The following NUF2 variants were observed in gnomAD, a reference collection of about 807,000 sequenced individuals.
NUF2 encodes the protein kinetochore protein Nuf2.
In NUF2, 34 loss-of-function variants were observed where a neutral mutation model predicts 61.8. That is an observed-to-expected ratio of 0.55 (90% CI 0.42 to 0.73). NUF2 has a LOEUF of 0.73. NUF2 is among the 30% of genes least tolerant of loss of function. NUF2 has a pLI of 0.00. For synonymous variants in NUF2, 172 were observed against 181.6 expected, an observed-to-expected ratio of 0.95 and a Z score of 0.42; for missense variants, 445 against 539.1, an observed-to-expected ratio of 0.83 and a Z score of 1.73.
intron 10 of NUF2, among the ~76,000 whole-genome samples, chr1:163,344,080 A>G (rs12747232): frequency 0.17 from 25,858 of 152,098 alleles, 2,291 homozygotes; most frequent in Non-Finnish European, 0.19. Context: ...CAATTATGCA[A>G]CAATTTTTCG....
At chr1:163,338,638 A>AT (rs1451077355) in intron 7 of NUF2, among the ~76,000 whole-genome samples, 3 of 152,030 alleles carry the variant, frequency 2.0e-5, no homozygotes, top group Non-Finnish European at 4.4e-5. Flanking sequence ...TAGATGAGAG[A>AT]TTTTCTAACC....
In NUF2 at chr1:163,348,925, C is replaced by T. The variant is rs1382059238; in HGVS notation, c.1125-20C>T. The T allele has an allele frequency of 1.6e-5, 25 of 1,598,880 alleles. No homozygotes were observed. Among genetic ancestry groups the T allele is most frequent in the East Asian group, 2.2e-5 (1 of 44,588 alleles). On this transcript the variant is annotated intron_variant, in intron 12 of 13. Transcript: ENST00000271452. Reference sequence around the variant, plus strand: ...GTTGCTGAAGAGGATTAAATATTAGCTGTCTCGATTTTCTTTCAGGGATTG... The same window carrying T: ...GTTGCTGAAGAGGATTAAATATTAGTTGTCTCGATTTTCTTTCAGGGATTG...
chr1:163,352,401 A>G (rs139145688), intron 13 of NUF2, among the ~76,000 whole-genome samples: 1 of 152,324 alleles, frequency 6.6e-6, no homozygotes, highest in African/African-American at 2.4e-5. Flanking sequence ...TATTATTCTC[A>G]ATACTACACT....
chr1:163,352,141 G>T (rs1252731125), intron 13 of NUF2, among the ~76,000 whole-genome samples: 1 of 151,780 alleles, frequency 6.6e-6, no homozygotes, highest in Admixed American at 6.6e-5. Context: ...TGAAATTTTG[G>T]ACTTGCTTTA....
At chr1:163,342,092 G>T (rs1650966397) in intron 9 of NUF2, among the ~76,000 whole-genome samples, 1 of 152,088 alleles carries the variant, frequency 6.6e-6, no homozygotes, top group African/African-American at 2.4e-5. Context: ...TGTGTACATA[G>T]AAAGGACGGT....
At chr1:163,350,443 C>CA (rs1240952021) in intron 13 of NUF2, among the ~76,000 whole-genome samples, 2 of 152,020 alleles carry the variant, frequency 1.3e-5, no homozygotes, top group African/African-American at 4.8e-5. Context: ...GTTACTAACT[C>CA]AAATTCGAGG....
Position 163,326,107 on chromosome 1 carries a change from G to C in NUF2, c.56G>C (p.Arg19Pro), listed in dbSNP as rs770685564. Residue 19 changes from arginine (R) to proline (P), a missense_variant, in exon 2 of 14, where the codon CGC becomes CCC. Physicochemically the swap from Arg to Pro is moderately radical, Grantham distance 103. Transcript: ENST00000271452. Reference sequence around the variant, plus strand: ...GTAGCTGAGATTGTGATTCATATTCGCAATAAGATCTTAACAGGAGCTGAT... The same window carrying C: ...GTAGCTGAGATTGTGATTCATATTCCCAATAAGATCTTAACAGGAGCTGAT... Reference protein sequence around the residue: ...YNVAEIVIHIRNKILTGADGK... With the variant: ...YNVAEIVIHIPNKILTGADGK... 1 of 1,610,938 alleles carries C rather than the reference G, an allele frequency of 6.2e-7. No homozygotes were observed. Among genetic ancestry groups the C allele is most frequent in the Non-Finnish European group, 8.5e-7 (1 of 1,177,548 alleles).
At chr1:163,338,418 A>G (rs1345351560) in intron 7 of NUF2, among the ~76,000 whole-genome samples, 2 of 151,986 alleles carry the variant, frequency 1.3e-5, no homozygotes, top group East Asian at 1.9e-4. Flanking sequence ...TGCCTGGACT[A>G]TCTTCCTTCA....
rs1278655430 is a variant in NUF2, at chr1:163,348,987, A to G, written c.1167A>G (p.Glu389=). Residue 389 remains glutamate (E), a synonymous_variant, in exon 13 of 14, where the codon GAA becomes GAG. Transcript: ENST00000271452. ...AAGAAAAAAGAGGTGCTGTCTATGA[A>G]CGAGTAACCACAATTAATCAAGAAA... ...KVQEKRGAVY[E]RVTTINQEIQ... is the part of the protein sequence containing the mutation. 6.2e-7 allele frequency: 1 copy of G among 1,610,846 alleles called. No homozygotes were observed. The highest frequency in any genetic ancestry group is 1.1e-5 in the South Asian group (1 of 89,830).
At chr1:163,350,856 G>C (rs1303762163) in intron 13 of NUF2, among the ~76,000 whole-genome samples, 2 of 152,050 alleles carry the variant, frequency 1.3e-5, no homozygotes, top group African/African-American at 4.8e-5. Context: ...GTTTTCAATA[G>C]GTATGGCCAC....
chr1:163,330,240 C>T (rs779235126), intron 5 of NUF2, among the ~76,000 whole-genome samples: 37 of 152,106 alleles, frequency 2.4e-4, no homozygotes, highest in Non-Finnish European at 7.4e-5. Context: ...AACAAATATA[C>T]CACTCAGGTG....
Position 163,338,091 on chromosome 1 carries a change from T to A in NUF2, c.507T>A (p.Leu169=), listed in dbSNP as rs1650823105. ...HQEALMKLER[L]DSVPVEEQEE... The stretch of plus-strand genomic sequence containing the variant: ...AGGCATTAATGAAACTGGAGAGACT[T>A]GAGTAAGTGGGAGATTTACAAGTAA... The change falls in exon 7 of 14, where the codon CTT becomes CTA. Residue 169 remains leucine (L), a splice_region_variant and synonymous_variant. Transcript: ENST00000271452. 1 of 1,609,968 alleles carries A rather than the reference T, an allele frequency of 6.2e-7. No homozygotes were observed. The highest frequency in any genetic ancestry group is 1.3e-5 in the African/African-American group (1 of 74,904).
chr1:163,329,465 G>T (rs185932117), intron 5 of NUF2, among the ~76,000 whole-genome samples: 3 of 152,222 alleles, frequency 2.0e-5, no homozygotes, highest in East Asian at 1.9e-4. Context: ...GATTTAATTG[G>T]CTCACAGTTG....
At chr1:163,334,081 G>T (rs897617297) in intron 5 of NUF2, among the ~76,000 whole-genome samples, 8 of 152,096 alleles carry the variant, frequency 5.3e-5, no homozygotes, top group Non-Finnish European at 1.2e-4. Flanking sequence ...TTGACTTTCT[G>T]TTTCTGAGTT....
Position 163,339,363 on chromosome 1 carries a change from C to T in NUF2, c.510-18C>T. On this transcript the variant is annotated intron_variant, in intron 7 of 13. Transcript: ENST00000271452. ...CAAAAGTGAAGAGCAGTATTTTAAT[C>T]TATTTTGCTGTGTTAAGTTCTGTTC... The T allele has an allele frequency of 1.3e-6, 2 of 1,516,884 alleles. No homozygotes were observed. The highest frequency in any genetic ancestry group is 1.8e-6 in the Non-Finnish European group (2 of 1,097,760). The allele number at this position is 1,516,884 out of a possible 1,614,324, so 94.0% of individuals were successfully genotyped here. A position where few individuals can be genotyped will look rare whatever the true frequency, so the allele number is the denominator to read the frequency against.
rs1650868362 is a variant in NUF2, at chr1:163,339,461, A to G, written c.590A>G (p.Asp197Gly). The G allele has an allele frequency of 1.9e-6, 3 of 1,609,458 alleles. No homozygotes were observed. The highest frequency in any genetic ancestry group is 2.6e-6 in the Non-Finnish European group (3 of 1,176,340). The change falls in exon 8 of 14, where the codon GAT (aspartate) becomes GGT (glycine). Residue 197 changes from aspartate to glycine, a missense_variant. Physicochemically the swap from Asp to Gly is moderately conservative, Grantham distance 94. Transcript: ENST00000271452. ...IQELQQSLNQ[D>G]FHQKTIVLQE... ...GAGCTACAACAATCACTAAATCAGG[A>G]TTTTCATCAAAAAACGGTATCTGTT...
chr1:163,350,842 T>C (rs1278132925), intron 13 of NUF2, among the ~76,000 whole-genome samples: 1 of 152,166 alleles, frequency 6.6e-6, no homozygotes, highest in Non-Finnish European at 1.5e-5. Context: ...TTCAATGGTA[T>C]AGAGTTTTCA....
chr1:163,350,296 C>T (rs530483582), intron 13 of NUF2, among the ~76,000 whole-genome samples: 36 of 149,722 alleles, frequency 2.4e-4, no homozygotes, highest in Non-Finnish European at 4.1e-4. Flanking sequence ...AGCAAGACTC[C>T]GTCTCAAAAA....
At chr1:163,335,862 AACT>A (rs1280581441) in intron 5 of NUF2, among the ~76,000 whole-genome samples, 2 of 152,112 alleles carry the variant, frequency 1.3e-5, no homozygotes, top group East Asian at 3.8e-4. Context: ...TTTAGGTCTG[AACT>A]ACTGTTATTC....
Sources: gnomAD v4.1 joint callset for allele counts (sites outside exome capture counted in the v4.1 genomes callset) on GRCh38, gnomAD v4.1.1 for gene constraint, MANE v1.5 for transcripts, NCBI Gene and HGNC (gene_info 2026-07-23, HGNC 2026-07-21) for gene names.